Variants in THEMIS2 observed in about 807,000 individuals in gnomAD.
The protein encoded by THEMIS2 is thymocyte selection associated family member 2.
Under a neutral mutation model 46.8 loss-of-function variants are expected in THEMIS2, and 29 were observed. The observed-to-expected ratio is 0.62, with a 90% CI of 0.46 to 0.84. The LOEUF is 0.84. Ranked by LOEUF, THEMIS2 falls within the 40% of genes least tolerant of loss-of-function variation. The pLI, the probability that THEMIS2 is intolerant of heterozygous loss-of-function variation, is 0.00. For missense variants in THEMIS2, 698 were observed against 834.7 expected (o/e 0.84, Z 2.02); for synonymous variants, 335 against 349.1 (o/e 0.96, Z 0.45).
intron 2 of THEMIS2, 39 bp downstream of exon 2, chr1:27,876,767 C>T: frequency 6.2e-7 from 1 of 1,607,872 alleles, no homozygotes; most frequent in Non-Finnish European, 8.5e-7. Context: ...TGCCCTGGCA[C>T]TCTCCTGGCA....
rs1172901179 is a variant in THEMIS2, at chr1:27,881,103, ATTTTTCT to A, written c.647-859_647-853del. 2.0e-5 allele frequency among the ~76,000 whole-genome samples: 3 copies of A among 151,780 alleles called. No individual in the cohort carries two copies. The East Asian group carries it at 5.8e-4, about 29-fold the overall frequency. ...CCTAAAAATAATAATTTTAAAATTT[ATTTTTCT>A]TTTTTCTTAATACTTGGAGGAAAAA... On this transcript the variant is annotated intron_variant, in intron 3 of 5. Coordinates refer to ENST00000373921, the MANE Select transcript of THEMIS2 (RefSeq NM_001105556.3).
In THEMIS2 at chr1:27,884,151, G is replaced by A. The variant is rs72872856; in HGVS notation, c.1719+1108G>A. 8.4e-3 allele frequency: 1,280 copies of A among 152,328 alleles called. 19 individuals carry two copies. Among genetic ancestry groups the A allele is most frequent in the African/African-American group, 0.028 (1,143 of 41,546 alleles). 9.4% of individuals were successfully genotyped at this position (152,328 alleles called of 1,614,324 possible). A position where few individuals can be genotyped will look rare whatever the true frequency, so the allele number is the denominator to read the frequency against. On this transcript the variant is annotated intron_variant, in intron 4 of 5. Transcript: ENST00000373921. ...TCACAGTGCTTCTGAGTTACACACCGGTGTCCTGCTTCACAGTTGAGAAGG... is the reference window on the plus strand; with the variant it reads ...TCACAGTGCTTCTGAGTTACACACCAGTGTCCTGCTTCACAGTTGAGAAGG...
At position 27,879,765 on chromosome 1, in the gene THEMIS2, A is replaced by C. The variant is rs1465595803; in HGVS notation, c.357A>C (p.Thr119=). The change falls in exon 3 of 6, where the codon ACA becomes ACC. Residue 119 remains threonine (T), a synonymous_variant. Transcript: ENST00000373921. ...TCATGTCGACCCACAGGATTGTCAC[A>C]GAGGGCAGGGTGGTGACTGAGGACC... ...TCFMSTHRIV[T]EGRVVTEDQL... is the part of the protein sequence containing the mutation. 3 of 1,614,046 alleles carry C rather than the reference A, an allele frequency of 1.9e-6. No homozygotes were observed. The highest frequency in any genetic ancestry group is 2.5e-6 in the Non-Finnish European group (3 of 1,180,016).
chr1:27,878,979 CCT>C (rs1174177086), intron 2 of THEMIS2, among the ~76,000 whole-genome samples: 1 of 152,110 alleles, frequency 6.6e-6, no homozygotes, highest in Non-Finnish European at 1.5e-5. Flanking sequence ...GTAGAATATC[CCT>C]CAGTCCCAGC....
chr1:27,882,277 G>A lies in THEMIS2; in HGVS notation c.953G>A (p.Gly318Glu), dbSNP rs1198485654. Residue 318 changes from glycine to glutamate, a missense_variant, in exon 4 of 6, where the codon GGG (glycine) becomes GAG (glutamate). Gly to Glu is a moderately conservative substitution (Grantham distance 98). Coordinates refer to ENST00000373921, the MANE Select transcript of THEMIS2 (RefSeq NM_001105556.3). The surrounding 1 kb of genome is among the most constrained non-coding windows in gnomAD (Gnocchi z 7.6). ...RKVPRHFLVS[G>E]GYQGKLRRRP... ...GTGCCCAGGCACTTCCTGGTGTCAG[G>A]GGGCTACCAAGGCAAGCTGCGGCGG... 6.2e-7 allele frequency: 1 copy of A among 1,607,242 alleles called. No individual in the cohort carries two copies. Among genetic ancestry groups the A allele is most frequent in the Non-Finnish European group, 8.5e-7 (1 of 1,175,844 alleles).
In THEMIS2 at chr1:27,882,402, G is replaced by C. The variant is rs769218433; in HGVS notation, c.1078G>C (p.Glu360Gln). The change falls in exon 4 of 6, where the codon GAG (glutamate) becomes CAG (glutamine). Residue 360 changes from glutamate to glutamine, a missense_variant. By Grantham distance (29) the Glu-to-Gln change is conservative. Coordinates refer to ENST00000373921, the MANE Select transcript of THEMIS2 (RefSeq NM_001105556.3). The surrounding 1 kb of genome is among the most constrained non-coding windows in gnomAD (Gnocchi z 7.6). ...VATKDCEGER[E>Q]ENPEFTSLAV... ...CACAAAGGACTGTGAGGGCGAGAGG[G>C]AGGAGAATCCCGAGTTCACGTCCCT... 1 of 1,609,524 alleles carries C rather than the reference G, an allele frequency of 6.2e-7. No homozygotes were observed. Among genetic ancestry groups the C allele is most frequent in the Non-Finnish European group, 8.5e-7 (1 of 1,177,076 alleles).
intron 2 of THEMIS2, among the ~76,000 whole-genome samples, chr1:27,877,616 C>T (rs1331960704): frequency 1.3e-5 from 2 of 152,100 alleles, no homozygotes; most frequent in Non-Finnish European, 2.9e-5. Flanking sequence ...CATGAGCCAC[C>T]ATGCCCGGCC....
chr1:27,882,763 A>G lies in THEMIS2; in HGVS notation c.1439A>G (p.Lys480Arg). The change falls in exon 4 of 6, where the codon AAG becomes AGG. Residue 480 changes from lysine to arginine, a missense_variant. Transcript: ENST00000373921. This position sits in a 1 kb window ranked among gnomAD's most constrained non-coding sequence, Gnocchi z 7.6. ...TTCCTGGGCCTGCGGCTGGAGGAGAAGATCACAGAGCCATTCTTGGTGGTG... is the reference window on the plus strand; with the variant it reads ...TTCCTGGGCCTGCGGCTGGAGGAGAGGATCACAGAGCCATTCTTGGTGGTG... ...TSFLGLRLEE[K>R]ITEPFLVVSL... 1 of 1,613,846 alleles carries G rather than the reference A, an allele frequency of 6.2e-7. No homozygotes were observed. Among genetic ancestry groups the G allele is most frequent in the Non-Finnish European group, 8.5e-7 (1 of 1,179,900 alleles).
In THEMIS2 at chr1:27,879,907, T is replaced by G. The variant is rs747806049; in HGVS notation, c.499T>G (p.Phe167Val). ...CCTGCCCCTATCCCAGAAGGGGCCC[T>G]TCTGGACATGGGAGCCTAGTGCCCC... ...LHLPLSQKGPFWTWEPSAPRT... is the reference protein window; with the variant it reads ...LHLPLSQKGPVWTWEPSAPRT... The change falls in exon 3 of 6, where the codon TTC (phenylalanine) becomes GTC (valine). Residue 167 changes from phenylalanine to valine, a missense_variant. Phe to Val is a conservative substitution (Grantham distance 50). Transcript: ENST00000373921. 1 of 1,612,090 alleles carries G rather than the reference T, an allele frequency of 6.2e-7. No homozygotes were observed. The highest frequency in any genetic ancestry group is 1.1e-5 in the South Asian group (1 of 90,788).
Position 27,882,836 on chromosome 1 carries a change from G to C in THEMIS2, c.1512G>C (p.Trp504Cys). Reference protein sequence around the residue: ...PGMCFEIPPRWLDLTVVKAKG... With the variant: ...PGMCFEIPPRCLDLTVVKAKG... ...TGTGCTTTGAGATCCCTCCCCGGTG[G>C]CTGGACCTGACTGTTGTGAAGGCCA... The change falls in exon 4 of 6, where the codon TGG (tryptophan) becomes TGC (cysteine). Residue 504 changes from tryptophan (W) to cysteine (C), a missense_variant. Transcript: ENST00000373921. This position sits in a 1 kb window ranked among gnomAD's most constrained non-coding sequence, Gnocchi z 7.6. 1 of 1,613,990 alleles carries C rather than the reference G, an allele frequency of 6.2e-7. No homozygotes were observed. Among genetic ancestry groups the C allele is most frequent in the South Asian group, 1.1e-5 (1 of 91,066 alleles).
Position 27,886,029 on chromosome 1 carries a change from C to A in THEMIS2, c.*107C>A. 1 of 1,036,930 alleles carries A rather than the reference C, an allele frequency of 9.6e-7. No individual in the cohort carries two copies. The highest frequency in any genetic ancestry group is 1.3e-5 in the South Asian group (1 of 74,864). 64.2% of individuals were successfully genotyped at this position (1,036,930 alleles called of 1,614,324 possible). A position where few individuals can be genotyped will look rare whatever the true frequency, so the allele number is the denominator to read the frequency against. On this transcript the variant is annotated 3_prime_UTR_variant, in exon 6 of 6. Coordinates refer to ENST00000373921, the MANE Select transcript of THEMIS2 (RefSeq NM_001105556.3). ...TCGGGCAAGTCTCACAGAAACTGAG[C>A]TGCAGACGGGGAGTAGCTTTGTGGA... is the stretch of plus-strand genomic sequence containing the variant.
Position 27,882,601 on chromosome 1 carries a change from TC to T in THEMIS2, c.1280del (p.Pro427LeufsTer8), listed in dbSNP as rs1185312584. ...SPERVLLPFH[F>X]PGSFVEEMSD... ...GAGCGGGTCCTGCTGCCCTTCCACT[TC>T]CCTGGCAGTTTCGTGGAGGAGATGA... On this transcript the variant is annotated frameshift_variant, in exon 4 of 6. Transcript: ENST00000373921. LOFTEE classifies it high-confidence loss of function. This position sits in a 1 kb window ranked among gnomAD's most constrained non-coding sequence, Gnocchi z 7.6. The T allele has an allele frequency of 6.2e-7, 1 of 1,614,052 alleles. No homozygotes were observed. The highest frequency in any genetic ancestry group is 1.1e-5 in the South Asian group (1 of 91,078).
chr1:27,883,073 G>T, intron 4 of THEMIS2, 30 bp downstream of exon 4: 1 of 1,570,128 alleles, frequency 6.4e-7, no homozygotes, highest in Non-Finnish European at 8.7e-7. Context: ...GGGCACGGAG[G>T]GGTCACCTAT....
chr1:27,877,228 G>T (rs2089597175), intron 2 of THEMIS2, among the ~76,000 whole-genome samples: 1 of 152,198 alleles, frequency 6.6e-6, no homozygotes, highest in African/African-American at 2.4e-5. Flanking sequence ...CTTGGAGGAG[G>T]TGGCATCTGA....
At position 27,876,677 on chromosome 1, in the gene THEMIS2, T is replaced by C. The variant is rs758566839; in HGVS notation, c.184T>C (p.Cys62Arg). Residue 62 changes from cysteine (C) to arginine (R), a missense_variant, in exon 2 of 6, where the codon TGT (cysteine) becomes CGT (arginine). By Grantham distance (180) the Cys-to-Arg change is radical. Transcript: ENST00000373921. Reference sequence around the variant, plus strand: ...CCAGGTCCGCCTCCAGAAGGTGGTCTGTGAGAACCCGAAGACCAGCCAGAC... The same window carrying C: ...CCAGGTCCGCCTCCAGAAGGTGGTCCGTGAGAACCCGAAGACCAGCCAGAC... ...VTQVRLQKVV[C>R]ENPKTSQTME... 4.3e-6 allele frequency: 7 copies of C among 1,614,048 alleles called. No individual in the cohort carries two copies. Among genetic ancestry groups the C allele is most frequent in the Non-Finnish European group, 5.9e-6 (7 of 1,179,982 alleles).
At chr1:27,881,918 G>A in intron 3 of THEMIS2, 53 bp from the exon 4 acceptor site, 1 of 1,456,752 alleles carries the variant, frequency 6.9e-7, no homozygotes. Context: ...TGCCTGGGGT[G>A]GGGGCCACTC....
intron 1 of THEMIS2, among the ~76,000 whole-genome samples, chr1:27,875,572 C>T (rs2089560552): frequency 6.6e-6 from 1 of 152,176 alleles, no homozygotes; most frequent in Admixed American, 6.5e-5. Context: ...AAGGTCCTGC[C>T]ACGTAGTCTG....
At position 27,882,006 on chromosome 1, in the gene THEMIS2, G is replaced by C. The variant is rs755331823; in HGVS notation, c.682G>C (p.Glu228Gln). ...RTIVKIPSTL[E>Q]VDVEDVTASS... ...CATTGTCAAGATCCCTTCTACCCTG[G>C]AGGTCGACGTGGAGGACGTCACCGC... is the stretch of plus-strand genomic sequence containing the variant. Residue 228 changes from glutamate (E) to glutamine (Q), a missense_variant, in exon 4 of 6, where the codon GAG (glutamate) becomes CAG (glutamine). Coordinates refer to ENST00000373921, the MANE Select transcript of THEMIS2 (RefSeq NM_001105556.3). The surrounding 1 kb of genome is among the most constrained non-coding windows in gnomAD (Gnocchi z 7.6). The C allele has an allele frequency of 1.2e-6, 2 of 1,614,062 alleles. No individual in the cohort carries two copies. Among genetic ancestry groups the C allele is most frequent in the Non-Finnish European group, 1.7e-6 (2 of 1,179,994 alleles).
intron 3 of THEMIS2, among the ~76,000 whole-genome samples, chr1:27,881,329 T>C (rs1229018533): frequency 6.6e-6 from 1 of 150,874 alleles, no homozygotes; most frequent in Non-Finnish European, 1.5e-5. Flanking sequence ...CGGGCACCTG[T>C]AGTCCCAGCT....
Sources: gnomAD v4.1 joint callset for allele counts (sites outside exome capture counted in the v4.1 genomes callset) on GRCh38, gnomAD v4.1.1 for gene constraint, Gnocchi (gnomAD v3.1) non-coding constraint, MANE v1.5 for transcripts, NCBI Gene and HGNC (gene_info 2026-07-23, HGNC 2026-07-21) for gene names.